RPL3L: variants seen among roughly 807,000 people sequenced by gnomAD.
RPL3L encodes ribosomal protein uL3-like.
RPL3L carries 44 observed loss-of-function variants against 44.5 expected under a neutral mutation model. The observed-to-expected ratio is 0.99, with a 90% confidence interval of 0.78 to 1.27. The LOEUF (loss-of-function observed/expected upper bound fraction) is 1.27. Among genes scored for constraint, RPL3L ranks in the 50% most tolerant of loss-of-function variants. RPL3L has a pLI of 0.00. For missense variants in RPL3L, 631 were observed against 569.1 expected, an observed-to-expected ratio of 1.11 and a Z score of -1.11; for synonymous variants, 292 against 230.7, an observed-to-expected ratio of 1.27 and a Z score of -2.41.
chr16:1,949,009 C>CTTTTTTTTTTTTTTTTTTTTTT (rs34900670), intron 4 of RPL3L, among the ~76,000 whole-genome samples: 2 of 124,662 alleles, frequency 1.6e-5, no homozygotes, highest in Non-Finnish European at 1.6e-5. Context: ...CCGCGCCTGG[C>CTTTTTTTTTTTTTTTTTTTTTT]TTTTTTTTTT....
rs551538698 is a variant in RPL3L at position 1,944,829 on chromosome 16, C to G, written c.*8G>C. 2 of 1,614,070 alleles carry G rather than the reference C, an allele frequency of 1.2e-6. No individual in the cohort carries two copies. The highest frequency in any genetic ancestry group is 1.1e-5 in the South Asian group (1 of 91,086). ...GGTGCGCTTCAGGGTTCATCCACCC[C>G]ACACAGCCTACAAGTCTCCCGAGGT... On this transcript the variant is annotated 3_prime_UTR_variant, in exon 10 of 10. Coordinates refer to ENST00000268661, the MANE Select transcript of RPL3L (RefSeq NM_005061.3).
rs144318954 is a variant in RPL3L at position 1,950,845 on chromosome 16, T to A, written c.500A>T (p.Gln167Leu). 1 of 1,614,066 alleles carries A rather than the reference T, an allele frequency of 6.2e-7. No homozygotes were observed. ...GACAGCGGAGGGCCGGGGGCTGACC[T>A]GAGTGTGGACAATGACCCGAATGAC... ...CKVIRVIVHTQMKLLPFRQKK... is the reference protein window; with the variant it reads ...CKVIRVIVHTLMKLLPFRQKK... The change falls in exon 4 of 10, where the codon CAG becomes CTG. Residue 167 changes from glutamine (Q) to leucine (L), a missense_variant and splice_region_variant. Gln to Leu is a moderately radical substitution (Grantham distance 113, BLOSUM62 -2). Transcript: ENST00000268661.
intron 2 of RPL3L, 81 bp downstream of exon 2, chr16:1,953,875 G>T: frequency 1.5e-6 from 2 of 1,354,486 alleles, no homozygotes; most frequent in Non-Finnish European, 1.9e-6. Flanking sequence ...GCCCTGTCTG[G>T]ACCAAAAGCG....
chr16:1,953,845 TG>T, intron 2 of RPL3L, 110 bp downstream of exon 2: 1 of 1,138,676 alleles, frequency 8.8e-7, no homozygotes, highest in Non-Finnish European at 1.2e-6. Context: ...GGGCGAGGCC[TG>T]GTGCTCCCTG....
rs774604672 is a variant in RPL3L, at chr16:1,954,087, C to A, written c.65G>T (p.Ser22Ile). ...GHLGFLPHKRSHRHRGKVKTW... is the reference protein window; with the variant it reads ...GHLGFLPHKRIHRHRGKVKTW... ...CTTCACCTTGCCCCGGTGCCGGTGG[C>A]TCCTCTTATGGGGCAGGAAGCCCAG... Residue 22 changes from serine (S) to isoleucine (I), a missense_variant, in exon 2 of 10, where the codon AGC becomes ATC. By Grantham distance (142) the Ser-to-Ile change is moderately radical (BLOSUM62 -2). Transcript: ENST00000268661. 6.2e-7 allele frequency: 1 copy of A among 1,603,744 alleles called. No homozygotes were observed. The highest frequency in any genetic ancestry group is 1.1e-5 in the South Asian group (1 of 89,154).
chr16:1,953,044 T>C lies in RPL3L; in HGVS notation c.197-2A>G, dbSNP rs1458858046. On this transcript the variant is annotated splice_acceptor_variant, in intron 2 of 9. Coordinates refer to ENST00000268661, the MANE Select transcript of RPL3L (RefSeq NM_005061.3). LOFTEE classifies it high-confidence loss of function. Reference sequence around the variant, plus strand: ...CCACCTCCTCCCGTTTGGAAATTTCTGGATGAGACACAGGGATGGGGCATG... The same window carrying C: ...CCACCTCCTCCCGTTTGGAAATTTCCGGATGAGACACAGGGATGGGGCATG... 1.3e-6 allele frequency: 2 copies of C among 1,589,722 alleles called. No individual in the cohort carries two copies. Among genetic ancestry groups the C allele is most frequent in the Non-Finnish European group, 1.7e-6 (2 of 1,167,862 alleles).
intron 3 of RPL3L, among the ~76,000 whole-genome samples, chr16:1,951,794 C>G (rs1166640232): frequency 6.7e-6 from 1 of 148,976 alleles, no homozygotes; most frequent in Non-Finnish European, 1.5e-5. Flanking sequence ...GTGAAGAAAC[C>G]AAGGTTTCTT....
rs1207539799 is a variant in RPL3L, at chr16:1,952,989, G to A, written c.250C>T (p.Leu84=). The change falls in exon 3 of 10, where the codon CTA becomes TTA. Residue 84 remains leucine, a synonymous_variant. Coordinates refer to ENST00000268661, the MANE Select transcript of RPL3L (RefSeq NM_005061.3). ...TAGCCCACCACGCCCACCACCACTA[G>A]GGGCGGCGTTTCTACAATTGTCACC... ...EAVTIVETPP[L]VVVGVVGYVA... is the part of the protein sequence containing the mutation. The A allele has an allele frequency of 1.2e-6, 2 of 1,610,404 alleles. No individual in the cohort carries two copies. The highest frequency in any genetic ancestry group is 1.7e-6 in the Non-Finnish European group (2 of 1,178,826).
chr16:1,954,501 C>T, intron 1 of RPL3L, 128 bp downstream of exon 1: 1 of 1,110,932 alleles, frequency 9.0e-7, no homozygotes, highest in Admixed American at 3.2e-5. Flanking sequence ...TTGTTTCCCC[C>T]TCCAGCCTCC....
In RPL3L at chr16:1,947,342, G is replaced by C. The variant is rs1404297483; in HGVS notation, c.540C>G (p.Ile180Met). Residue 180 changes from isoleucine to methionine, a missense_variant, in exon 5 of 10, where the codon ATC becomes ATG. By Grantham distance (10) the Ile-to-Met change is conservative. Transcript: ENST00000268661. ...TGCCACCGTTCAGCTGGATCTCCAT[G>C]ATGTGGGCCTTCTTCTGCCGGAAGG... is the stretch of plus-strand genomic sequence containing the variant. The part of the protein sequence containing the change: ...LLPFRQKKAH[I>M]MEIQLNGGTV... The C allele has an allele frequency of 1.2e-6, 2 of 1,604,770 alleles. No individual in the cohort carries two copies. Among genetic ancestry groups the C allele is most frequent in the African/African-American group, 2.7e-5 (2 of 74,696 alleles).
In RPL3L at chr16:1,946,550, C is replaced by G. The variant is rs2083121382; in HGVS notation, c.951+75G>C. On this transcript the variant is annotated intron_variant, in intron 7 of 9. Transcript: ENST00000268661. The stretch of plus-strand genomic sequence containing the variant: ...TGCCCCCTACATGTATACCAGGCCC[C>G]CCGGCCAGCCTGACCCCACTCCAGC... The G allele has an allele frequency of 3.6e-5, 53 of 1,490,516 alleles. No individual in the cohort carries two copies. The South Asian group carries it at 6.0e-4, about 17-fold the overall frequency. The allele number at this position is 1,490,516 out of a possible 1,614,324, so 92.3% of individuals were successfully genotyped here.
At position 1,947,291 on chromosome 16, in the gene RPL3L, G is replaced by A. The variant is rs2083130520; in HGVS notation, c.591C>T (p.Ala197=). The A allele has an allele frequency of 1.9e-6, 3 of 1,613,072 alleles. No individual in the cohort carries two copies. The highest frequency in any genetic ancestry group is 1.1e-5 in the South Asian group (1 of 91,068). ...GCACCTGCTTCTCCAGCCGGGCCTG[G>A]GCCCAGGCCACCTTCTCGGCCACCG... is the stretch of plus-strand genomic sequence containing the variant. ...GGTVAEKVAW[A]QARLEKQVPV... is the part of the protein sequence containing the mutation. The change falls in exon 5 of 10, where the codon GCC becomes GCT. Residue 197 remains alanine (A), a synonymous_variant. Transcript: ENST00000268661.
chr16:1,952,257 C>T (rs1365946786), intron 3 of RPL3L, among the ~76,000 whole-genome samples: 2 of 150,712 alleles, frequency 1.3e-5, no homozygotes, highest in East Asian at 4.0e-4. Flanking sequence ...CAGTCGTGAG[C>T]CACCACAAGC....
At position 1,954,150 on chromosome 16, in the gene RPL3L, TG is replaced by T. The variant is rs763380562; in HGVS notation, c.4-3del. 7 of 1,571,800 alleles carry T rather than the reference TG, an allele frequency of 4.5e-6. No homozygotes were observed. The highest frequency in any genetic ancestry group is 2.7e-5 in the African/African-American group (2 of 74,384). On this transcript the variant is annotated splice_polypyrimidine_tract_variant and splice_region_variant and intron_variant, in intron 1 of 9. Transcript: ENST00000268661. Reference sequence around the variant, plus strand: ...AGGGGCGGAAAACTTCCGGTGGGACTGGGGGGCAGGAAGGAAGGAGGTCAGA... The same window carrying T: ...AGGGGCGGAAAACTTCCGGTGGGACTGGGGGCAGGAAGGAAGGAGGTCAGA...
At chr16:1,946,015 G>A (rs1426370304) in intron 7 of RPL3L, 85 bp from the exon 8 acceptor site, 17 of 1,206,140 alleles carry the variant, frequency 1.4e-5, no homozygotes, top group Non-Finnish European at 1.9e-5. Context: ...AACCCCCAGA[G>A]GGGGCAGTGA....
At position 1,944,889 on chromosome 16, in the gene RPL3L, G is replaced by A; in HGVS notation, c.1172C>T (p.Pro391Leu). The change falls in exon 10 of 10, where the codon CCC becomes CTC. Residue 391 changes from proline (P) to leucine (L), a missense_variant. Transcript: ENST00000268661. ...TAQEKRAFMG[P>L]QKKHLEKETP... is the part of the protein sequence containing the mutation. ...TTCCTTCTCCAGATGCTTCTTTTGG[G>A]GGCCCTGGTTGAGAGGGTGGTGCAG... The A allele has an allele frequency of 6.2e-7, 1 of 1,613,640 alleles. No individual in the cohort carries two copies. Among genetic ancestry groups the A allele is most frequent in the Non-Finnish European group, 8.5e-7 (1 of 1,179,982 alleles).
At position 1,953,977 on chromosome 16, in the gene RPL3L, C is replaced by T. The variant is rs752898457; in HGVS notation, c.175G>A (p.Glu59Lys). 88 of 1,568,652 alleles carry T rather than the reference C, an allele frequency of 5.6e-5. 1 individual carries two copies. The South Asian group carries it at 8.8e-4, about 16-fold the overall frequency. Residue 59 changes from glutamate (E) to lysine (K), a missense_variant, in exon 2 of 10, where the codon GAG becomes AAG. Glu to Lys is a moderately conservative substitution (Grantham distance 56). Transcript: ENST00000268661. Reference protein sequence around the residue: ...YKAGMTHTLREVHRPGLKISK... With the variant: ...YKAGMTHTLRKVHRPGLKISK... ...TCACTGAGCCCCGGCCGGTGCACCT[C>T]CCGCAGGGTGTGGGTCATGCCCGCC...
intron 7 of RPL3L, among the ~76,000 whole-genome samples, chr16:1,946,208 C>G (rs2083119820): frequency 6.6e-6 from 1 of 152,232 alleles, no homozygotes; most frequent in African/African-American, 2.4e-5. Context: ...GCCTCTACAG[C>G]TGCTAAGTCC....
At chr16:1,952,006 C>T (rs1009578872) in intron 3 of RPL3L, among the ~76,000 whole-genome samples, 15 of 151,988 alleles carry the variant, frequency 9.9e-5, no homozygotes, top group Non-Finnish European at 1.6e-4. Context: ...TGGAGTGCAG[C>T]GGCACAATCT....
Sources: allele counts gnomAD v4.1 joint callset (sites outside exome capture counted in the v4.1 genomes callset), GRCh38; gene constraint gnomAD v4.1.1; transcripts MANE v1.5; gene names NCBI Gene and HGNC (gene_info 2026-07-23, HGNC 2026-07-21).